ETV1: variants seen among roughly 807,000 people sequenced by gnomAD.
ETV1 encodes the protein ETS translocation variant 1.
Under a neutral mutation model 62.3 loss-of-function variants are expected in ETV1, and 27 were observed. That is an observed-to-expected ratio of 0.43 (90% CI 0.32 to 0.60). ETV1 has a LOEUF of 0.60. Ranked by LOEUF, ETV1 falls within the 20% of genes least tolerant of loss-of-function variation. The pLI is 0.06. For missense variants in ETV1, 605 were observed against 605.8 expected, an observed-to-expected ratio of 1.00 and a Z score of 0.01; for synonymous variants, 222 against 199.6, an observed-to-expected ratio of 1.11 and a Z score of -0.94.
intron 6 of ETV1, among the ~76,000 whole-genome samples, chr7:13,959,475 T>A (rs920312283): frequency 6.6e-6 from 1 of 152,206 alleles, no homozygotes; most frequent in South Asian, 2.1e-4. Flanking sequence ...ATAAGAATTA[T>A]ATCCCATATA....
chr7:13,968,828 T>C (rs957168373), intron 6 of ETV1, among the ~76,000 whole-genome samples: 30 of 152,056 alleles, frequency 2.0e-4, no homozygotes, highest in African/African-American at 7.2e-4. Flanking sequence ...TTAAGAGACA[T>C]ACCCAAGGTC....
At chr7:13,985,408 T>C (rs565002720) in intron 5 of ETV1, 5 of 152,282 alleles carry the variant, frequency 3.3e-5, no homozygotes, top group African/African-American at 1.2e-4. Context: ...AGGAAAGCTA[T>C]TTAACTTTAA....
At chr7:13,896,647 T>G (rs1162940859) in intron 13 of ETV1, among the ~76,000 whole-genome samples, 1 of 95,592 alleles carries the variant, frequency 1.0e-5, no homozygotes, top group Non-Finnish European at 2.2e-5. Context: ...TGGCAGTGTG[T>G]GTTGAAAGAA....
chr7:13,918,668 G>A (rs1192400496), intron 9 of ETV1, among the ~76,000 whole-genome samples: 1 of 147,216 alleles, frequency 6.8e-6, no homozygotes, highest in Non-Finnish European at 1.5e-5. Context: ...GGTGGGAACT[G>A]AACAATGAGA....
Position 13,911,276 on chromosome 7 carries a change from C to A in ETV1, c.834G>T (p.Arg278Ser). 1 of 1,612,882 alleles carries A rather than the reference C, an allele frequency of 6.2e-7. No individual in the cohort carries two copies. The highest frequency in any genetic ancestry group is 8.5e-7 in the Non-Finnish European group (1 of 1,179,168). ...EVPSCHSIYM[R>S]QEGFLAHPSR... ...TGGGATGAGCCAGGAAGCCTTCTTG[C>A]CTCATATAAATGGAGTGGCAGCTAG... Residue 278 changes from arginine (R) to serine (S), a missense_variant, in exon 10 of 14, where the codon AGG (arginine) becomes AGT (serine). Arg to Ser is a moderately radical substitution (Grantham distance 110, BLOSUM62 -1). This residue lies in a region of ETV1 where 426 missense variants were observed against 377.8 expected (regional missense o/e 1.13). Transcript: ENST00000430479.
At chr7:13,943,616 A>G (rs188620998) in intron 6 of ETV1, among the ~76,000 whole-genome samples, 3 of 152,214 alleles carry the variant, frequency 2.0e-5, no homozygotes, top group Non-Finnish European at 4.4e-5. Context: ...AAAAACTCAA[A>G]TATTCATCAA....
chr7:13,986,582 TTTTC>T, intron 5 of ETV1, 52 bp downstream of exon 5: 1 of 1,606,122 alleles, frequency 6.2e-7, no homozygotes. Context: ...TCAGGACTTC[TTTTC>T]TTTCTCCTTC....
chr7:13,945,429 G>C (rs190564945), intron 6 of ETV1, among the ~76,000 whole-genome samples: 3 of 145,756 alleles, frequency 2.1e-5, no homozygotes, highest in East Asian at 2.1e-4. Context: ...AGTCACTATG[G>C]GCCCTTGAAA....
chr7:13,988,660 G>C (rs750948919), intron 3 of ETV1: 1 of 1,402,996 alleles, frequency 7.1e-7, no homozygotes, highest in Non-Finnish European at 9.3e-7. Flanking sequence ...TAAACAAAAA[G>C]TGTCAGCATT....
intron 12 of ETV1, among the ~76,000 whole-genome samples, chr7:13,904,711 C>G (rs1420923794): frequency 6.6e-6 from 1 of 151,812 alleles, no homozygotes; most frequent in East Asian, 1.9e-4. Context: ...GTGCTCAGTT[C>G]CAGCATGAAC....
chr7:13,937,910 G>A (rs1460882380), intron 7 of ETV1, among the ~76,000 whole-genome samples: 2 of 152,122 alleles, frequency 1.3e-5, no homozygotes, highest in East Asian at 3.9e-4. Context: ...TAAAATATCT[G>A]AGCATTGGTC....
intron 12 of ETV1, among the ~76,000 whole-genome samples, chr7:13,902,866 C>G (rs1782579047): frequency 6.6e-6 from 1 of 152,124 alleles, no homozygotes; most frequent in African/African-American, 2.4e-5. Context: ...CATGCCAGTT[C>G]ATTCTCAGCA....
At chr7:13,944,634 ATCCCTGAACACAGGAGCCCCAAATC>A (rs150243598) in intron 6 of ETV1, among the ~76,000 whole-genome samples, 3,669 of 152,240 alleles carry the variant, frequency 0.024, 154 homozygotes, top group African/African-American at 0.085. Flanking sequence ...AGGCAAGCTG[ATCCCTGAACACAGGAGCCCCAAATC>A]TGGCACATCA....
chr7:13,950,701 A>G (rs769139260), intron 6 of ETV1, among the ~76,000 whole-genome samples: 1 of 152,102 alleles, frequency 6.6e-6, no homozygotes, highest in Non-Finnish European at 1.5e-5. Flanking sequence ...CATCTTTTCA[A>G]AAAGTAGTGG....
chr7:13,928,777 G>A (rs1031539219), intron 9 of ETV1, among the ~76,000 whole-genome samples: 24 of 152,124 alleles, frequency 1.6e-4, no homozygotes, highest in Admixed American at 4.6e-4. Flanking sequence ...GGCCACCATG[G>A]TGAAACCCCG....
At chr7:13,991,325 G>C (rs1025564025), upstream of ETV1, 1 of 152,266 alleles carries the variant, frequency 6.6e-6, no homozygotes, top group African/African-American at 2.4e-5. Flanking sequence ...AGTTTCCAAA[G>C]ACCTTCTCTG....
At chr7:13,986,801 T>A in intron 4 of ETV1, 116 bp from the exon 5 acceptor site, 2 of 769,262 alleles carry the variant, frequency 2.6e-6, no homozygotes, top group Non-Finnish European at 4.0e-6. Flanking sequence ...AGAGACGCAG[T>A]CAACATAAAA....
intron 6 of ETV1, among the ~76,000 whole-genome samples, chr7:13,960,109 T>C (rs1159426765): frequency 1.3e-5 from 2 of 152,022 alleles, no homozygotes; most frequent in Admixed American, 1.3e-4. Context: ...TGGAGGACAA[T>C]GGAAAGGAAG....
upstream of ETV1, chr7:13,989,681 C>G (rs1307947796): frequency 2.5e-6 from 1 of 398,628 alleles, no homozygotes; most frequent in Non-Finnish European, 4.4e-6. Flanking sequence ...GAGCTCAATT[C>G]GGTGGTTTTT....
Sources: gnomAD v4.1 joint callset for allele counts (sites outside exome capture counted in the v4.1 genomes callset) on GRCh38, gnomAD v4.1.1 for gene constraint, gnomAD v4.1.1 regional missense constraint, MANE v1.5 for transcripts, NCBI Gene and HGNC (gene_info 2026-07-23, HGNC 2026-07-21) for gene names.